DHX57: variants seen among roughly 807,000 people sequenced by gnomAD.
DHX57 encodes the protein putative ATP-dependent RNA helicase DHX57.
DHX57 carries 105 observed loss-of-function variants against 156.2 expected under a neutral mutation model. That is an observed-to-expected ratio of 0.67 (90% CI 0.57 to 0.79). DHX57 has a LOEUF of 0.79. DHX57 is among the 30% of genes least tolerant of loss of function. DHX57 has a pLI of 0.00. For synonymous variants in DHX57, 704 were observed against 595.6 expected (o/e 1.18, Z -2.65); for missense variants, 1,847 against 1,661.9 (o/e 1.11, Z -1.94).
chr2:38,868,112 C>A lies in DHX57; in HGVS notation c.224+70G>T. Reference sequence around the variant, plus strand: ...TACTCGACTTTTTTTCCATTCTCAGCCATCTGTTGTCCCATACATTAGGGG... The same window carrying A: ...TACTCGACTTTTTTTCCATTCTCAGACATCTGTTGTCCCATACATTAGGGG... On this transcript the variant is annotated intron_variant, in intron 2 of 23. Transcript: ENST00000457308. 3 of 1,554,750 alleles carry A rather than the reference C, an allele frequency of 1.9e-6. No individual in the cohort carries two copies. In the South Asian group the frequency reaches 3.5e-5, roughly 18 times the overall value.
At chr2:38,866,889 T>C (rs1665104915) in intron 2 of DHX57, among the ~76,000 whole-genome samples, 1 of 152,202 alleles carries the variant, frequency 6.6e-6, no homozygotes, top group Admixed American at 6.5e-5. Context: ...AGAGAGACTA[T>C]GCTGCTTGCT....
chr2:38,841,619 C>A (rs947702436), intron 12 of DHX57, among the ~76,000 whole-genome samples: 1 of 152,054 alleles, frequency 6.6e-6, no homozygotes, highest in South Asian at 2.1e-4. Flanking sequence ...GAAGCAGTAA[C>A]GGGTTGGAAG....
chr2:38,798,671 C>G (rs766082209), intron 23 of DHX57, among the ~76,000 whole-genome samples: 1 of 152,198 alleles, frequency 6.6e-6, no homozygotes, highest in East Asian at 1.9e-4. Context: ...TCGGGCCAGG[C>G]GCAGTGGCTC....
At chr2:38,864,182 T>C (rs924743408) in intron 2 of DHX57, among the ~76,000 whole-genome samples, 14 of 151,550 alleles carry the variant, frequency 9.2e-5, no homozygotes, top group African/African-American at 2.9e-4. Context: ...CTGAGTTTCA[T>C]TCTTCCTTGT....
intron 1 of DHX57, among the ~76,000 whole-genome samples, chr2:38,872,789 A>G (rs191210556): frequency 6.6e-6 from 1 of 152,208 alleles, no homozygotes; most frequent in South Asian, 2.1e-4. Context: ...GTAGGAGACT[A>G]CAGTACCTCA....
chr2:38,838,666 C>G (rs567318627), intron 12 of DHX57: 13 of 391,536 alleles, frequency 3.3e-5, no homozygotes, highest in African/African-American at 2.5e-4. Context: ...GTAACACTAA[C>G]CTATGGCAAT....
At chr2:38,828,275 G>C in intron 14 of DHX57, 65 bp downstream of exon 14, 1 of 1,253,234 alleles carries the variant, frequency 8.0e-7, no homozygotes, top group Non-Finnish European at 1.1e-6. Context: ...GGTCTAAAGA[G>C]GGTGATGATA....
intron 2 of DHX57, among the ~76,000 whole-genome samples, chr2:38,865,355 T>A (rs1572711479): frequency 2.0e-5 from 3 of 152,260 alleles, no homozygotes; most frequent in East Asian, 3.9e-4. Context: ...TTATAAGGGG[T>A]GTCCCCCTTT....
rs549929345 is a variant in DHX57, at chr2:38,842,986, C to T, written c.2425+19G>A. The T allele has an allele frequency of 5.0e-6, 8 of 1,608,296 alleles. No individual in the cohort carries two copies. In the South Asian group the frequency reaches 5.5e-5, roughly 11 times the overall value. On this transcript the variant is annotated intron_variant, in intron 12 of 23. Transcript: ENST00000457308. ...AAATCTTTGGCATAATTATAATATTCCCCCAAGAGGCATGTTACCTTTATA... is the reference window on the plus strand; with the variant it reads ...AAATCTTTGGCATAATTATAATATTTCCCCAAGAGGCATGTTACCTTTATA...
rs577947486 is a variant in DHX57, at chr2:38,846,107, C to T, written c.2219+912G>A. ...TCTTGAACTCCCGCCCTCAGGTGAT[C>T]TGCTCGCCTCGGCCTCCCAAAGTGC... On this transcript the variant is annotated intron_variant, in intron 11 of 23. Coordinates refer to ENST00000457308, the MANE Select transcript of DHX57 (RefSeq NM_198963.3). Among the ~76,000 whole-genome samples the T allele has an allele frequency of 9.4e-4, 143 of 152,282 alleles. 1 individual carries two copies. Among genetic ancestry groups the T allele is most frequent in the Non-Finnish European group, 1.7e-3 (114 of 68,012 alleles).
At chr2:38,844,257 GAACAA>G (rs901010041) in intron 11 of DHX57, among the ~76,000 whole-genome samples, 3 of 152,044 alleles carry the variant, frequency 2.0e-5, no homozygotes, top group African/African-American at 7.2e-5. Context: ...AGTGAGAACA[GAACAA>G]AACAACACAC....
intron 7 of DHX57, among the ~76,000 whole-genome samples, chr2:38,855,768 G>C (rs535193649): frequency 5.9e-5 from 9 of 152,170 alleles, no homozygotes; most frequent in African/African-American, 1.9e-4. Context: ...ATGTAAAGCA[G>C]GAAAAATAAC....
chr2:38,826,416 C>A, intron 15 of DHX57, 100 bp downstream of exon 15: 1 of 1,365,206 alleles, frequency 7.3e-7, no homozygotes, highest in South Asian at 1.4e-5. Flanking sequence ...TTTTTTCATA[C>A]AGTAATCCGT....
chr2:38,824,549 A>G (rs1456471344), intron 16 of DHX57, among the ~76,000 whole-genome samples: 2 of 152,224 alleles, frequency 1.3e-5, no homozygotes, highest in African/African-American at 4.8e-5. Flanking sequence ...ATTAACTTAG[A>G]TAGTTCTGAC....
intron 13 of DHX57, among the ~76,000 whole-genome samples, chr2:38,836,794 A>AG (rs70954767): frequency 0.27 from 37,998 of 143,004 alleles, 5,655 homozygotes; most frequent in Non-Finnish European, 0.33. Flanking sequence ...AAAAAAAAAA[A>AG]AAAGAAACAA....
chr2:38,807,154 A>G (rs1040286953), intron 21 of DHX57, among the ~76,000 whole-genome samples: 3 of 151,626 alleles, frequency 2.0e-5, no homozygotes, highest in African/African-American at 4.9e-5. Context: ...TCCCAGGTTC[A>G]TGCAATTCTC....
At chr2:38,826,939 T>C (rs1479699573) in intron 14 of DHX57, among the ~76,000 whole-genome samples, 1 of 152,098 alleles carries the variant, frequency 6.6e-6, no homozygotes, top group Non-Finnish European at 1.5e-5. Flanking sequence ...GAGATCAGCC[T>C]AGCCAACATG....
rs1480875415 is a variant in DHX57 at position 38,837,862 on chromosome 2, C to G, written c.2511G>C (p.Trp837Cys). The change falls in exon 13 of 24, where the codon TGG (tryptophan) becomes TGC (cysteine). Residue 837 changes from tryptophan to cysteine, a missense_variant. Transcript: ENST00000457308. ...GGTAGGAGTGCTTTCCATCCACAAT[C>G]CACTCTAATAAGGCCTCTATTAATT... is the stretch of plus-strand genomic sequence containing the variant. ...NLELIEALLE[W>C]IVDGKHSYPP... is the part of the protein sequence containing the mutation. 1 of 1,611,696 alleles carries G rather than the reference C, an allele frequency of 6.2e-7. No individual in the cohort carries two copies. The highest frequency in any genetic ancestry group is 1.1e-5 in the South Asian group (1 of 90,996).
At chr2:38,799,468 T>TA (rs1220479622) in intron 23 of DHX57, among the ~76,000 whole-genome samples, 2 of 132,840 alleles carry the variant, frequency 1.5e-5, no homozygotes, top group Non-Finnish European at 3.2e-5. Context: ...GGGTGGTAGA[T>TA]AGGCTGGGCC....
Sources: allele counts gnomAD v4.1 joint callset (sites outside exome capture counted in the v4.1 genomes callset), GRCh38; gene constraint gnomAD v4.1.1; transcripts MANE v1.5; gene names NCBI Gene and HGNC (gene_info 2026-07-23, HGNC 2026-07-21).